The following DTNBP1 variants were observed in gnomAD, a reference collection of about 807,000 sequenced individuals.
The protein encoded by DTNBP1 is dysbindin.
A neutral mutation model predicts 42.8 loss-of-function variants in DTNBP1; 35 were observed. The ratio of observed to expected loss-of-function variants is 0.82; its 90% CI spans 0.63 to 1.09. The LOEUF is 1.09. DTNBP1 is among the 50% of genes least tolerant of loss of function. The probability of loss-of-function intolerance (pLI) is 0.00; values close to 1 mark genes in which losing one functional copy is unlikely to be tolerated. For synonymous variants in DTNBP1, 171 were observed against 162.2 expected (o/e 1.05, Z -0.41); for missense variants, 457 against 424.2 (o/e 1.08, Z -0.68).
chr6:15,523,129 G>C lies in DTNBP1; in HGVS notation c.902C>G (p.Thr301Ser), dbSNP rs202208103. The C allele has an allele frequency of 1.9e-6, 3 of 1,614,250 alleles. No individual in the cohort carries two copies. The highest frequency in any genetic ancestry group is 2.2e-5 in the East Asian group (1 of 44,884). The change falls in exon 10 of 10, where the codon ACC becomes AGC. Residue 301 changes from threonine (T) to serine (S), a missense_variant. Transcript: ENST00000344537. Reference protein sequence around the residue: ...LRAKPPSSSSTCTDSATRDIS... With the variant: ...LRAKPPSSSSSCTDSATRDIS... ...GTCCCGGGTGGCCGAGTCGGTGCAG[G>C]TGGAGGAAGAAGAAGGTGGCTTGGC... is the stretch of plus-strand genomic sequence containing the variant.
At chr6:15,535,007 T>C (rs1773127870) in intron 7 of DTNBP1, among the ~76,000 whole-genome samples, 1 of 152,166 alleles carries the variant, frequency 6.6e-6, no homozygotes, top group Admixed American at 6.5e-5. Flanking sequence ...TAACTTTTCC[T>C]CAAGGCACGT....
At chr6:15,609,542 A>G (rs1296934410) in intron 6 of DTNBP1, among the ~76,000 whole-genome samples, 5 of 152,110 alleles carry the variant, frequency 3.3e-5, no homozygotes, top group Admixed American at 3.3e-4. Flanking sequence ...GCTGGTCTCT[A>G]TCTCCTGACC....
intron 7 of DTNBP1, among the ~76,000 whole-genome samples, chr6:15,585,316 C>T (rs1776031915): frequency 6.6e-6 from 1 of 151,216 alleles, no homozygotes; most frequent in Non-Finnish European, 1.5e-5. Flanking sequence ...TGGAGCTGTA[C>T]CAGCCTCATT....
At chr6:15,525,824 A>G (rs899095745) in intron 8 of DTNBP1, among the ~76,000 whole-genome samples, 2 of 152,218 alleles carry the variant, frequency 1.3e-5, no homozygotes, top group African/African-American at 4.8e-5. Context: ...CGAAGCCAAG[A>G]AGGGGAGATA....
chr6:15,640,559 T>C (rs1392982399), intron 3 of DTNBP1, among the ~76,000 whole-genome samples: 1 of 152,226 alleles, frequency 6.6e-6, no homozygotes, highest in Non-Finnish European at 1.5e-5. Flanking sequence ...TTACCTTACT[T>C]GGTAGACAAA....
intron 1 of DTNBP1, chr6:15,660,354 G>A (rs767474431): frequency 5.0e-5 from 64 of 1,289,658 alleles, no homozygotes; most frequent in African/African-American, 4.2e-4. Flanking sequence ...AAGTTTAACC[G>A]AACAGCTTAA....
At chr6:15,571,125 T>C (rs114159598) in intron 7 of DTNBP1, among the ~76,000 whole-genome samples, 1,893 of 152,268 alleles carry the variant, frequency 0.012, 39 homozygotes, top group African/African-American at 0.042. Flanking sequence ...CTTTAAAATA[T>C]CGAGGTGGAA....
At chr6:15,619,025 G>C (rs1001482631) in intron 5 of DTNBP1, among the ~76,000 whole-genome samples, 1 of 152,158 alleles carries the variant, frequency 6.6e-6, no homozygotes, top group Non-Finnish European at 1.5e-5. Flanking sequence ...AGCTAAAAAC[G>C]TTGATCCCAG....
intron 6 of DTNBP1, among the ~76,000 whole-genome samples, chr6:15,605,925 A>AC (rs1386036627): frequency 3.3e-5 from 5 of 152,236 alleles, no homozygotes; most frequent in Admixed American, 6.5e-5. Flanking sequence ...GTTCCAGTCT[A>AC]CAAAGGCACT....
rs1758648384 is a variant in DTNBP1 at position 15,615,282 on chromosome 6, T to C, written c.473A>G (p.Tyr158Cys). The change falls in exon 6 of 10, where the codon TAC becomes TGC. Residue 158 changes from tyrosine (Y) to cysteine (C), a missense_variant. By Grantham distance (194) the Tyr-to-Cys change is radical (BLOSUM62 -2). Coordinates refer to ENST00000344537, the MANE Select transcript of DTNBP1 (RefSeq NM_032122.5). ...TCAAACTCACCTCTTATTTTTCTTGTAATTCTCCAGTTGCTGGGACTGCAT... is the reference window on the plus strand; with the variant it reads ...TCAAACTCACCTCTTATTTTTCTTGCAATTCTCCAGTTGCTGGGACTGCAT... Reference protein sequence around the residue: ...KHMQSQQLENYKKNKRKELET... With the variant: ...KHMQSQQLENCKKNKRKELET... The C allele has an allele frequency of 6.2e-7, 1 of 1,614,190 alleles. No homozygotes were observed. Among genetic ancestry groups the C allele is most frequent in the Non-Finnish European group, 8.5e-7 (1 of 1,180,026 alleles).
intron 7 of DTNBP1, among the ~76,000 whole-genome samples, chr6:15,538,242 G>T (rs1773358095): frequency 6.6e-6 from 1 of 152,204 alleles, no homozygotes; most frequent in Non-Finnish European, 1.5e-5. Context: ...GCGTGACAGG[G>T]ATTTGACACA....
At chr6:15,607,127 T>C (rs1281335029) in intron 6 of DTNBP1, among the ~76,000 whole-genome samples, 2 of 150,974 alleles carry the variant, frequency 1.3e-5, no homozygotes, top group Admixed American at 6.6e-5. Context: ...TCTCCTGCCT[T>C]AGCCTCTTGA....
chr6:15,533,314 A>G lies in DTNBP1; in HGVS notation c.593T>C (p.Phe198Ser). ...GTCCTGCTGGAAGGCTTCCTCAAAA[A>G]ACTTCTGCCGCTCCTTCAGCTTCAT... ...QQMKLKERQK[F>S]FEEAFQQDME... Residue 198 changes from phenylalanine to serine, a missense_variant, in exon 8 of 10, where the codon TTT becomes TCT. Physicochemically the swap from Phe to Ser is radical, Grantham distance 155 (BLOSUM62 -2). Transcript: ENST00000344537. 1 of 1,614,136 alleles carries G rather than the reference A, an allele frequency of 6.2e-7. No homozygotes were observed. Among genetic ancestry groups the G allele is most frequent in the Non-Finnish European group, 8.5e-7 (1 of 1,180,026 alleles).
At chr6:15,654,006 T>C (rs1244324885) in intron 1 of DTNBP1, among the ~76,000 whole-genome samples, 1 of 152,238 alleles carries the variant, frequency 6.6e-6, no homozygotes, top group African/African-American at 2.4e-5. Flanking sequence ...AAGCACCATA[T>C]GGGGACTTCT....
chr6:15,632,400 T>A (rs147509574), intron 4 of DTNBP1, among the ~76,000 whole-genome samples: 1 of 152,336 alleles, frequency 6.6e-6, no homozygotes, highest in East Asian at 1.9e-4. Flanking sequence ...GAAGCCAAAA[T>A]GTGAACAAGG....
At position 15,522,813 on chromosome 6, in the gene DTNBP1, G is replaced by A. The variant is rs189118471; in HGVS notation, c.*162C>T. 36 of 1,264,544 alleles carry A rather than the reference G, an allele frequency of 2.8e-5. No individual in the cohort carries two copies. The East Asian group carries it at 4.2e-4, about 15-fold the overall frequency. The allele number at this position is 1,264,544 out of a possible 1,614,324, so 78.3% of individuals were successfully genotyped here. On this transcript the variant is annotated 3_prime_UTR_variant, in exon 10 of 10. Coordinates refer to ENST00000344537, the MANE Select transcript of DTNBP1 (RefSeq NM_032122.5). ...TAGCTCTGTGCGCTCTCAGTTTACC[G>A]TCCTCACACTTTATTGTTAGCTGTT...
chr6:15,622,224 A>C (rs1055627135), intron 5 of DTNBP1, among the ~76,000 whole-genome samples: 33 of 152,244 alleles, frequency 2.2e-4, no homozygotes, highest in African/African-American at 7.7e-4. Context: ...GAGAACTTAG[A>C]AAACATTAAA....
chr6:15,638,838 C>CT (rs34034677), intron 3 of DTNBP1, among the ~76,000 whole-genome samples: 50 of 138,662 alleles, frequency 3.6e-4, no homozygotes, highest in Admixed American at 9.2e-4. Context: ...TTGGCCAGTA[C>CT]TTTTTTTTTT....
chr6:15,570,059 A>G (rs1581338313), intron 7 of DTNBP1, among the ~76,000 whole-genome samples: 1 of 152,190 alleles, frequency 6.6e-6, no homozygotes, highest in East Asian at 1.9e-4. Context: ...GTCTGTACAC[A>G]TGTTAAAATG....
Sources: allele counts gnomAD v4.1 joint callset (sites outside exome capture counted in the v4.1 genomes callset), GRCh38; gene constraint gnomAD v4.1.1; transcripts MANE v1.5; gene names NCBI Gene and HGNC (gene_info 2026-07-23, HGNC 2026-07-21).